PRUNE2: variants seen among roughly 807,000 people sequenced by gnomAD.
PRUNE2 encodes prune homolog 2 with BCH domain, also known as protein prune homolog 2.
PRUNE2 carries 164 observed loss-of-function variants against 252.0 expected under a neutral mutation model. That is an observed-to-expected ratio of 0.65 (90% CI 0.57 to 0.74). The LOEUF is 0.74. Among genes scored for constraint, PRUNE2 ranks in the 30% least tolerant of loss-of-function variants. The pLI, the probability that PRUNE2 is intolerant of heterozygous loss-of-function variation, is 0.00. For missense variants in PRUNE2, 3,495 were observed against 3,711.0 expected (o/e 0.94, Z 1.51); for synonymous variants, 1,292 against 1,350.2 (o/e 0.96, Z 0.94).
intron 18 of PRUNE2, among the ~76,000 whole-genome samples, chr9:76,616,998 A>AAATAAAT (rs1193265898): frequency 1.3e-5 from 2 of 152,006 alleles, no homozygotes; most frequent in East Asian, 1.9e-4. Flanking sequence ...ATAAATAAAT[A>AAATAAAT]AAAGTATCCT....
chr9:76,881,385 A>G (rs561702529), intron 1 of PRUNE2, among the ~76,000 whole-genome samples: 114 of 152,342 alleles, frequency 7.5e-4, no homozygotes, highest in African/African-American at 2.6e-3. Flanking sequence ...ATGAGTAAGT[A>G]CACACATATA....
At chr9:76,792,517 G>GC in intron 6 of PRUNE2, among the ~76,000 whole-genome samples, 1 of 152,308 alleles carries the variant, frequency 6.6e-6, no homozygotes, top group East Asian at 1.9e-4. Context: ...TTCTCCACAT[G>GC]CCCCCCAGGT....
rs958348955 is a variant in PRUNE2, at chr9:76,704,011, T to C, written c.7602A>G (p.Glu2534=). 2 of 1,613,712 alleles carry C rather than the reference T, an allele frequency of 1.2e-6. No homozygotes were observed. The highest frequency in any genetic ancestry group is 1.7e-6 in the Non-Finnish European group (2 of 1,179,794). ...GATCTTCATTCTTCTCTGTACATCTTTCTTCCTTGTATTCTGATTTTATCT... is the reference window on the plus strand; with the variant it reads ...GATCTTCATTCTTCTCTGTACATCTCTCTTCCTTGTATTCTGATTTTATCT... ...PEQIKSEYKE[E]RCTEKNEDRH... Residue 2534 remains glutamate, a synonymous_variant, in exon 9 of 19, where the codon GAA becomes GAG. Coordinates refer to ENST00000376718, the MANE Select transcript of PRUNE2 (RefSeq NM_015225.3).
Position 76,613,374 on chromosome 9 carries a change from G to A in PRUNE2, c.*1196C>T, listed in dbSNP as rs769945523. 5.9e-5 allele frequency: 9 copies of A among 152,214 alleles called. No individual in the cohort carries two copies. Among genetic ancestry groups the A allele is most frequent in the Non-Finnish European group, 1.0e-4 (7 of 68,048 alleles). The allele number at this position is 152,214 out of a possible 1,614,324, so 9.4% of individuals were successfully genotyped here. A position where few individuals can be genotyped will look rare whatever the true frequency, so the allele number is the denominator to read the frequency against. ...TCAGCTCTGCGGCTGTAGTGTGAAAGTAGCTGTAGACAGTACAAAAACAAG... is the reference window on the plus strand; with the variant it reads ...TCAGCTCTGCGGCTGTAGTGTGAAAATAGCTGTAGACAGTACAAAAACAAG... On this transcript the variant is annotated 3_prime_UTR_variant, in exon 19 of 19. Coordinates refer to ENST00000376718, the MANE Select transcript of PRUNE2 (RefSeq NM_015225.3).
chr9:76,767,499 T>G (rs960183949), intron 6 of PRUNE2, among the ~76,000 whole-genome samples: 1 of 152,088 alleles, frequency 6.6e-6, no homozygotes, highest in East Asian at 1.9e-4. Flanking sequence ...TTATTTTCCT[T>G]GCTTTCCACT....
rs188041885 is a variant in PRUNE2 at position 76,706,110 on chromosome 9, C to A, written c.6164G>T (p.Gly2055Val). The A allele has an allele frequency of 3.1e-6, 5 of 1,613,982 alleles. No homozygotes were observed. In the Admixed American group the frequency reaches 6.7e-5, roughly 22 times the overall value. The change falls in exon 8 of 19, where the codon GGC (glycine) becomes GTC (valine). Residue 2055 changes from glycine (G) to valine (V), a missense_variant. Physicochemically the swap from Gly to Val is moderately radical, Grantham distance 109. Transcript: ENST00000376718. ...CAGCTGCCCACCCTCTTGAAAGTTG[C>A]CATGTAAAATATCTGGCACAAAGGT... is the stretch of plus-strand genomic sequence containing the variant. ...RGTFVPDILH[G>V]NFQEGGQLAS...
chr9:76,769,429 G>C (rs998602168), intron 6 of PRUNE2, among the ~76,000 whole-genome samples: 27 of 152,088 alleles, frequency 1.8e-4, no homozygotes, highest in African/African-American at 6.5e-4. Context: ...TTTCTTCCAA[G>C]TGAAAAATGT....
At chr9:76,884,323 C>T (rs996790985) in intron 1 of PRUNE2, among the ~76,000 whole-genome samples, 2 of 152,092 alleles carry the variant, frequency 1.3e-5, no homozygotes, top group African/African-American at 4.8e-5. Flanking sequence ...TAAATTTAAA[C>T]CCACACTGAA....
chr9:76,806,814 G>A (rs1219439265), intron 6 of PRUNE2, among the ~76,000 whole-genome samples: 4 of 151,444 alleles, frequency 2.6e-5, no homozygotes, highest in Non-Finnish European at 4.4e-5. Context: ...CACCGCACCC[G>A]GCCTCAGGCA....
At chr9:76,623,963 C>T (rs962471441) in intron 17 of PRUNE2, among the ~76,000 whole-genome samples, 1 of 152,172 alleles carries the variant, frequency 6.6e-6, no homozygotes, top group Non-Finnish European at 1.5e-5. Context: ...TTCTATTCAT[C>T]AAAATAGCTC....
chr9:76,729,160 C>T (rs111793197), intron 6 of PRUNE2, among the ~76,000 whole-genome samples: 2,903 of 152,194 alleles, frequency 0.019, 79 homozygotes, highest in African/African-American at 0.066. Context: ...GACAAATGAA[C>T]CAGAGAGTGT....
At position 76,638,223 on chromosome 9, in the gene PRUNE2, G is replaced by T; in HGVS notation, c.8794C>A (p.Arg2932=). The T allele has an allele frequency of 6.2e-7, 1 of 1,613,664 alleles. No individual in the cohort carries two copies. Among genetic ancestry groups the T allele is most frequent in the South Asian group, 1.1e-5 (1 of 91,048 alleles). The change falls in exon 13 of 19, where the codon CGG becomes AGG. Residue 2932 remains arginine, a synonymous_variant. Coordinates refer to ENST00000376718, the MANE Select transcript of PRUNE2 (RefSeq NM_015225.3). ...FAACFLPDSS[R]ADYHYVMENL... is the part of the protein sequence containing the mutation. ...TCCATGACATAGTGGTAATCCGCCC[G>T]ACTGCTGTCTGGCAGAAAACAGGCG...
chr9:76,758,275 G>T (rs1244010546), intron 6 of PRUNE2, among the ~76,000 whole-genome samples: 1 of 152,012 alleles, frequency 6.6e-6, no homozygotes, highest in Non-Finnish European at 1.5e-5. Flanking sequence ...TGCAAACTTG[G>T]TGAAACTAAG....
chr9:76,812,449 A>C (rs2057415710), intron 6 of PRUNE2, among the ~76,000 whole-genome samples: 1 of 152,228 alleles, frequency 6.6e-6, no homozygotes, highest in African/African-American at 2.4e-5. Flanking sequence ...TAAGTAAATT[A>C]TGAATCAGAA....
intron 6 of PRUNE2, among the ~76,000 whole-genome samples, chr9:76,767,403 A>C (rs2052527877): frequency 6.6e-6 from 1 of 151,808 alleles, no homozygotes; most frequent in South Asian, 2.1e-4. Flanking sequence ...GTGAGACAAG[A>C]TTGTGCCACT....
In PRUNE2 at chr9:76,706,674, G is replaced by A. The variant is rs370877282; in HGVS notation, c.5600C>T (p.Pro1867Leu). ...ATCACCCTGAACTGGTACTCCCCAGGGACTGGCATTTTGGTGTACTGAAGA... is the reference window on the plus strand; with the variant it reads ...ATCACCCTGAACTGGTACTCCCCAGAGACTGGCATTTTGGTGTACTGAAGA... ...INSSVHQNAS[P>L]WGVPVQGDIE... Residue 1867 changes from proline to leucine, a missense_variant, in exon 8 of 19, where the codon CCC becomes CTC. Transcript: ENST00000376718. 2.0e-5 allele frequency: 33 copies of A among 1,613,580 alleles called. No individual in the cohort carries two copies. The highest frequency in any genetic ancestry group is 2.6e-5 in the Non-Finnish European group (31 of 1,179,804).
chr9:76,825,919 A>C (rs1325106499), intron 5 of PRUNE2, among the ~76,000 whole-genome samples: 1 of 152,214 alleles, frequency 6.6e-6, no homozygotes, highest in African/African-American at 2.4e-5. Flanking sequence ...TTTCCTTCTC[A>C]AATTAACTGA....
At chr9:76,813,959 G>A (rs758674068) in intron 6 of PRUNE2, among the ~76,000 whole-genome samples, 4 of 152,132 alleles carry the variant, frequency 2.6e-5, no homozygotes, top group Non-Finnish European at 5.9e-5. Flanking sequence ...TGGGATTACA[G>A]GCACCCACCA....
intron 1 of PRUNE2, among the ~76,000 whole-genome samples, chr9:76,905,469 C>A (rs998067083): frequency 1.3e-5 from 2 of 152,220 alleles, no homozygotes; most frequent in Middle Eastern, 3.2e-3. Flanking sequence ...CAGTACCACA[C>A]ATGTCCTTGC....
Sources: allele counts gnomAD v4.1 joint callset (sites outside exome capture counted in the v4.1 genomes callset), GRCh38; gene constraint gnomAD v4.1.1; transcripts MANE v1.5; gene names NCBI Gene and HGNC (gene_info 2026-07-23, HGNC 2026-07-21).